The following HMCN1 variants were observed in gnomAD, a reference collection of about 807,000 sequenced individuals.
HMCN1 encodes the protein hemicentin-1.
A neutral mutation model predicts 625.9 loss-of-function variants in HMCN1; 321 were observed. The observed-to-expected ratio is 0.51, with a 90% CI of 0.47 to 0.56. HMCN1 has a LOEUF of 0.56. HMCN1 is among the 20% of genes least tolerant of loss of function. HMCN1 has a pLI of 0.00. For missense variants in HMCN1, 6,588 were observed against 6,887.3 expected, an observed-to-expected ratio of 0.96 and a Z score of 1.54; for synonymous variants, 2,425 against 2,417.6, an observed-to-expected ratio of 1.00 and a Z score of -0.09.
At chr1:185,759,407 C>A (rs1655341293) in intron 1 of HMCN1, among the ~76,000 whole-genome samples, 1 of 152,050 alleles carries the variant, frequency 6.6e-6, no homozygotes, top group Non-Finnish European at 1.5e-5. Flanking sequence ...CATGAAGGGT[C>A]ATAAGTAAAG....
At chr1:185,888,524 T>C (rs1428378424) in intron 4 of HMCN1, among the ~76,000 whole-genome samples, 2 of 143,570 alleles carry the variant, frequency 1.4e-5, no homozygotes. Flanking sequence ...GCTTTCTACA[T>C]ATGGCTAGCC....
chr1:186,093,044 C>G lies in HMCN1; in HGVS notation c.9888-90C>G. The G allele has an allele frequency of 1.9e-6, 3 of 1,558,672 alleles. No individual in the cohort carries two copies. In the South Asian group the frequency reaches 3.3e-5, roughly 17 times the overall value. ...AGTTGGTTGCTTGAATTTTCCATCA[C>G]TTTCAGTAACTGATTTTAATAGGCT... On this transcript the variant is annotated intron_variant, in intron 64 of 106. Transcript: ENST00000271588.
At chr1:185,991,900 G>A (rs1652457788) in intron 22 of HMCN1, among the ~76,000 whole-genome samples, 1 of 152,152 alleles carries the variant, frequency 6.6e-6, no homozygotes, top group Non-Finnish European at 1.5e-5. Context: ...TCCACCAACA[G>A]AATATAAGTG....
chr1:185,923,691 G>A (rs764615235), intron 8 of HMCN1, 38 bp downstream of exon 8: 1 of 1,517,970 alleles, frequency 6.6e-7, no homozygotes, highest in East Asian at 2.3e-5. Flanking sequence ...AATATTGACA[G>A]TTTAAGAGGG....
intron 1 of HMCN1, among the ~76,000 whole-genome samples, chr1:185,771,129 T>G (rs1656214088): frequency 6.6e-6 from 1 of 152,206 alleles, no homozygotes; most frequent in African/African-American, 2.4e-5. Context: ...TATGTCTTTT[T>G]AATGTTTAAG....
chr1:186,137,571 G>A lies in HMCN1; in HGVS notation c.13656G>A (p.Arg4552=). The change falls in exon 88 of 107, where the codon AGG becomes AGA. Residue 4552 remains arginine (R), a synonymous_variant. Coordinates refer to ENST00000271588, the MANE Select transcript of HMCN1 (RefSeq NM_031935.3). ...SVTCGKGIQK[R]SRLCNQPLPA... ...CCTGTGGAAAAGGCATCCAAAAGAG[G>A]AGTCGTCTGTGCAACCAGCCCCTTC... 1 of 1,613,930 alleles carries A rather than the reference G, an allele frequency of 6.2e-7. No individual in the cohort carries two copies. The highest frequency in any genetic ancestry group is 8.5e-7 in the Non-Finnish European group (1 of 1,179,958).
Position 186,145,762 on chromosome 1 carries a change from G to A in HMCN1, c.14447G>A (p.Ser4816Asn). The change falls in exon 93 of 107, where the codon AGT (serine) becomes AAT (asparagine). Residue 4816 changes from serine (S) to asparagine (N), a missense_variant. Physicochemically the swap from Ser to Asn is conservative, Grantham distance 46. This residue lies in a region of HMCN1 where 1,954 missense variants were observed against 2,013.1 expected (regional missense o/e 0.97). Coordinates refer to ENST00000271588, the MANE Select transcript of HMCN1 (RefSeq NM_031935.3). ...CCATTCTTGTTCACAGTGGATGGAAGTTGGGGAAGCTGGCATAGTTGGAGC... is the reference window on the plus strand; with the variant it reads ...CCATTCTTGTTCACAGTGGATGGAAATTGGGGAAGCTGGCATAGTTGGAGC... ...CNTDMCPVDGSWGSWHSWSQC... is the reference protein window; with the variant it reads ...CNTDMCPVDGNWGSWHSWSQC... The A allele has an allele frequency of 1.9e-6, 3 of 1,614,164 alleles. No homozygotes were observed. The highest frequency in any genetic ancestry group is 2.5e-6 in the Non-Finnish European group (3 of 1,180,000).
intron 20 of HMCN1, 148 bp from the exon 21 acceptor site, chr1:185,989,340 T>C (rs1652242622): frequency 2.1e-6 from 2 of 940,254 alleles, no homozygotes; most frequent in Non-Finnish European, 3.3e-6. Flanking sequence ...TAAATAACTT[T>C]TTTCAAGTTA....
chr1:186,145,446 C>T lies in HMCN1; in HGVS notation c.14310C>T (p.Ser4770=), dbSNP rs748810127. The part of the protein sequence containing the change: ...WSPWSGWGTC[S]RTCNGGQMRR... The stretch of plus-strand genomic sequence containing the variant: ...CTTGGAGTGGCTGGGGAACATGCAG[C>T]CGGACGTGTAACGGAGGGCAGATGC... Residue 4770 remains serine (S), a synonymous_variant, in exon 92 of 107, where the codon AGC becomes AGT. Transcript: ENST00000271588. The T allele has an allele frequency of 6.2e-7, 1 of 1,601,834 alleles. No homozygotes were observed. Among genetic ancestry groups the T allele is most frequent in the South Asian group, 1.1e-5 (1 of 89,150 alleles).
rs538516291 is a variant in HMCN1 at position 186,174,533 on chromosome 1, T to C, written c.15834T>C (p.Asp5278=). 2.3e-5 allele frequency: 37 copies of C among 1,613,918 alleles called. 1 individual carries two copies. The South Asian group carries it at 4.0e-4, about 17-fold the overall frequency. ...CTGTAGATATTGATGAATGTAAAGATGGGACCCATCAGTGCAGATATAACC... is the reference window on the plus strand; with the variant it reads ...CTGTAGATATTGATGAATGTAAAGACGGGACCCATCAGTGCAGATATAACC... ...GTCIDIDECK[D]GTHQCRYNQI... Residue 5278 remains aspartate (D), a synonymous_variant, in exon 103 of 107, where the codon GAT becomes GAC. Coordinates refer to ENST00000271588, the MANE Select transcript of HMCN1 (RefSeq NM_031935.3).
intron 11 of HMCN1, among the ~76,000 whole-genome samples, chr1:185,937,803 C>T (rs1463442998): frequency 6.6e-6 from 1 of 151,678 alleles, no homozygotes; most frequent in East Asian, 1.9e-4. Flanking sequence ...ATTGCTTGAA[C>T]TTGGGAGGCG....
intron 100 of HMCN1, among the ~76,000 whole-genome samples, chr1:186,168,487 GTAAGT>G (rs3058239): frequency 0.6 from 90,201 of 150,772 alleles, 29,775 homozygotes; most frequent in African/African-American, 0.89. Context: ...CTGTGTTTCT[GTAAGT>G]TAAGTTAACA....
Position 186,137,596 on chromosome 1 carries a change from C to T in HMCN1, c.13681C>T (p.Pro4561Ser). The change falls in exon 88 of 107, where the codon CCA (proline) becomes TCA (serine). Residue 4561 changes from proline to serine, a missense_variant. Pro to Ser is a moderately conservative substitution (Grantham distance 74). Around this residue, in one of 3 missense-constraint regions of HMCN1, gnomAD observed 1,954 missense variants for 2,013.1 expected, o/e 0.97. Transcript: ENST00000271588. ...KRSRLCNQPL[P>S]ANGGKPCQGS... is the part of the protein sequence containing the mutation. ...GAGTCGTCTGTGCAACCAGCCCCTT[C>T]CAGCCAATGGTGGGAAGCCCTGCCA... 3 of 1,613,996 alleles carry T rather than the reference C, an allele frequency of 1.9e-6. No individual in the cohort carries two copies. Among genetic ancestry groups the T allele is most frequent in the Non-Finnish European group, 1.7e-6 (2 of 1,179,966 alleles).
At chr1:186,126,030 T>A (rs2102503522) in intron 82 of HMCN1, among the ~76,000 whole-genome samples, 1 of 152,250 alleles carries the variant, frequency 6.6e-6, no homozygotes, top group South Asian at 2.1e-4. Context: ...TTTGTGGAAA[T>A]ATGTGTTTAT....
At position 186,115,405 on chromosome 1, in the gene HMCN1, A is replaced by G. The variant is rs1558234811; in HGVS notation, c.11552A>G (p.Asn3851Ser). ...GHLLNVDQNQ[N>S]SYRLLSSGSL... ...CTTCTTAATGTGGATCAAAATCAGA[A>G]CTCATACAGGTAAGGATAATTTAAA... Residue 3851 changes from asparagine (N) to serine (S), a missense_variant, in exon 75 of 107, where the codon AAC (asparagine) becomes AGC (serine). Coordinates refer to ENST00000271588, the MANE Select transcript of HMCN1 (RefSeq NM_031935.3). The G allele has an allele frequency of 2.5e-6, 4 of 1,613,126 alleles. No homozygotes were observed. Among genetic ancestry groups the G allele is most frequent in the Non-Finnish European group, 3.4e-6 (4 of 1,179,642 alleles).
intron 11 of HMCN1, among the ~76,000 whole-genome samples, chr1:185,951,429 G>T (rs186179260): frequency 0.071 from 10,195 of 143,076 alleles, 639 homozygotes; most frequent in Middle Eastern, 0.11. Flanking sequence ...TTGAAAAGAA[G>T]GTAATGTGGA....
intron 11 of HMCN1, among the ~76,000 whole-genome samples, chr1:185,950,481 G>A (rs968664241): frequency 1.3e-5 from 2 of 151,648 alleles, no homozygotes; most frequent in Admixed American, 6.6e-5. Context: ...TTCTGACCGC[G>A]CTAACCATGC....
intron 97 of HMCN1, among the ~76,000 whole-genome samples, chr1:186,161,623 C>CA (rs1223744604): frequency 1.7e-4 from 26 of 152,148 alleles, no homozygotes; most frequent in African/African-American, 6.3e-4. Flanking sequence ...CTGGTGGTGA[C>CA]AAAATCTCTC....
chr1:185,880,102 A>G (rs1255152461), intron 4 of HMCN1, among the ~76,000 whole-genome samples: 2 of 152,114 alleles, frequency 1.3e-5, no homozygotes, highest in Non-Finnish European at 2.9e-5. Context: ...CTTTCATCAA[A>G]TAGAGTTGTT....
Sources: allele counts gnomAD v4.1 joint callset (sites outside exome capture counted in the v4.1 genomes callset), GRCh38; gene constraint gnomAD v4.1.1; regional missense constraint gnomAD v4.1.1; transcripts MANE v1.5; gene names NCBI Gene and HGNC (gene_info 2026-07-23, HGNC 2026-07-21).